ASAP2: variants seen among roughly 807,000 people sequenced by gnomAD.
ASAP2 encodes arf-GAP with SH3 domain, ANK repeat and PH domain-containing protein 2.
Under a neutral mutation model 131.4 loss-of-function variants are expected in ASAP2, and 45 were observed. The ratio of observed to expected loss-of-function variants is 0.34; its 90% CI spans 0.27 to 0.44. The LOEUF (loss-of-function observed/expected upper bound fraction) is 0.44, where lower values mean the gene tolerates loss of function less well. Ranked by LOEUF, ASAP2 falls within the 20% of genes least tolerant of loss-of-function variation. ASAP2 has a pLI of 1.00. For synonymous variants in ASAP2, 510 were observed against 503.0 expected (o/e 1.01, Z -0.19); for missense variants, 1,011 against 1,297.0 (o/e 0.78, Z 3.39).
rs118130511 is a variant in ASAP2 at position 9,292,640 on chromosome 2, G to A, written c.200-4660G>A. The stretch of plus-strand genomic sequence containing the variant: ...TCTGTGATCTGCTCCTTCTCTACTC[G>A]ACAAGTCTTACCTGTCCTTGGAGCC... On this transcript the variant is annotated intron_variant, in intron 2 of 27. Transcript: ENST00000281419. Among the ~76,000 whole-genome samples the A allele has an allele frequency of 7.4e-3, 1,120 of 152,282 alleles. 33 individuals carry two copies. In the East Asian group the frequency reaches 0.081, roughly 11 times the overall value.
rs994413421 is a variant in ASAP2 at position 9,232,259 on chromosome 2, T to C, written c.126+25029T>C. 2.6e-4 allele frequency among the ~76,000 whole-genome samples: 39 copies of C among 151,364 alleles called. No individual in the cohort carries two copies. Among genetic ancestry groups the C allele is most frequent in the African/African-American group, 9.2e-4 (38 of 41,378 alleles). ...TCTGTGTCAACACGCCTCACTGCCCTGCGCCCGATCCTTTTACACAGGTGG... is the reference window on the plus strand; with the variant it reads ...TCTGTGTCAACACGCCTCACTGCCCCGCGCCCGATCCTTTTACACAGGTGG... On this transcript the variant is annotated intron_variant, in intron 1 of 27. Coordinates refer to ENST00000281419, the MANE Select transcript of ASAP2 (RefSeq NM_003887.3). This position sits in a 1 kb window ranked among gnomAD's most constrained non-coding sequence, Gnocchi z 4.1.
chr2:9,262,169 A>G (rs1665617453), intron 1 of ASAP2, among the ~76,000 whole-genome samples: 1 of 152,190 alleles, frequency 6.6e-6, no homozygotes, highest in African/African-American at 2.4e-5. Flanking sequence ...AAAAATTTAA[A>G]TGTTGATGGA....
At chr2:9,334,010 TTCTC>T (rs1275386211) in intron 7 of ASAP2, among the ~76,000 whole-genome samples, 3 of 149,140 alleles carry the variant, frequency 2.0e-5, no homozygotes, top group African/African-American at 5.0e-5. Context: ...TCTGCATTAT[TTCTC>T]TCTCTCTCTG....
At chr2:9,363,837 G>A (rs557909795) in intron 15 of ASAP2, among the ~76,000 whole-genome samples, 1 of 152,308 alleles carries the variant, frequency 6.6e-6, no homozygotes, top group South Asian at 2.1e-4. Flanking sequence ...GCTTCCCAAA[G>A]TGCTGGGATT....
chr2:9,302,872 C>T (rs1668588581), intron 3 of ASAP2, among the ~76,000 whole-genome samples: 1 of 152,138 alleles, frequency 6.6e-6, no homozygotes, highest in African/African-American at 2.4e-5. Context: ...TTGGGACAAG[C>T]AGTAGTTTGT....
chr2:9,323,233 C>T lies in ASAP2; in HGVS notation c.583C>T (p.Gln195Ter). 1 of 1,614,214 alleles carries T rather than the reference C, an allele frequency of 6.2e-7. No homozygotes were observed. The highest frequency in any genetic ancestry group is 8.5e-7 in the Non-Finnish European group (1 of 1,180,030). The change falls in exon 6 of 28, where the codon CAG becomes TAG. Residue 195 changes from glutamine to a stop codon, truncating the protein, a stop_gained. Transcript: ENST00000281419. LOFTEE classifies it high-confidence loss of function. ...GATGGAAAAGGAGAGGCGCTTCTTC[C>T]AGCTACAGATGTGCGAGGTAAGGCG... is the stretch of plus-strand genomic sequence containing the variant. ...EEMEKERRFF[Q>*]LQMCEYLLKV... is the part of the protein sequence containing the mutation.
rs1674256513 is a variant in ASAP2 at position 9,374,736 on chromosome 2, C to T, written c.1557-19C>T. ...TAGAAGCCCTTCATGATTTGCAAGGCAATTACGTTTGGTTTCAGGAATGCA... is the reference window on the plus strand; with the variant it reads ...TAGAAGCCCTTCATGATTTGCAAGGTAATTACGTTTGGTTTCAGGAATGCA... On this transcript the variant is annotated intron_variant, in intron 16 of 27. Transcript: ENST00000281419. The T allele has an allele frequency of 1.3e-6, 2 of 1,573,902 alleles. No individual in the cohort carries two copies. Among genetic ancestry groups the T allele is most frequent in the South Asian group, 1.2e-5 (1 of 85,484 alleles).
chr2:9,377,176 C>T (rs1674470256), intron 18 of ASAP2, among the ~76,000 whole-genome samples, 183 bp downstream of exon 18: 1 of 152,158 alleles, frequency 6.6e-6, no homozygotes, highest in Non-Finnish European at 1.5e-5. Flanking sequence ...TTTAAAAAAG[C>T]ACTAGAAACT....
intron 1 of ASAP2, among the ~76,000 whole-genome samples, chr2:9,224,182 G>A (rs770428671): frequency 6.6e-5 from 10 of 152,144 alleles, no homozygotes; most frequent in Non-Finnish European, 1.3e-4. Context: ...CGAGGGAAGG[G>A]AGGATTGCCT....
intron 19 of ASAP2, among the ~76,000 whole-genome samples, chr2:9,380,181 A>AGTTTTT (rs199921712): frequency 0.019 from 2,909 of 151,922 alleles, 75 homozygotes; most frequent in African/African-American, 0.064. Context: ...CTGCTTCAAC[A>AGTTTTT]GTTTTTGTTT....
chr2:9,228,060 G>C (rs1662903630), intron 1 of ASAP2, among the ~76,000 whole-genome samples: 1 of 152,138 alleles, frequency 6.6e-6, no homozygotes, highest in South Asian at 2.1e-4. Context: ...CATTATGAGT[G>C]TATCTATAAT....
At chr2:9,241,906 C>T (rs538033855) in intron 1 of ASAP2, among the ~76,000 whole-genome samples, 26 of 152,186 alleles carry the variant, frequency 1.7e-4, no homozygotes, top group Middle Eastern at 3.4e-3. Context: ...ATGTTAGGGT[C>T]CCAATAAGTT....
At chr2:9,384,539 G>A (rs1675111555) in intron 20 of ASAP2, among the ~76,000 whole-genome samples, 2 of 152,204 alleles carry the variant, frequency 1.3e-5, no homozygotes, top group South Asian at 2.1e-4. Flanking sequence ...CTGACCAACC[G>A]GCTTCAAGTT....
At chr2:9,214,617 AGCTGGAATACTTGG>A (rs1558239508) in intron 1 of ASAP2, among the ~76,000 whole-genome samples, 2 of 152,088 alleles carry the variant, frequency 1.3e-5, no homozygotes, top group Non-Finnish European at 2.9e-5. Context: ...TACCAACCCG[AGCTGGAATACTTGG>A]GCTGTATTTT....
intron 1 of ASAP2, among the ~76,000 whole-genome samples, chr2:9,223,095 G>A (rs1005412054): frequency 6.6e-5 from 10 of 152,164 alleles, no homozygotes; most frequent in Admixed American, 6.5e-4. Flanking sequence ...ACTTGCAAGC[G>A]ACTGCTTTGG....
chr2:9,383,998 A>C (rs1157426687), intron 20 of ASAP2, among the ~76,000 whole-genome samples: 16 of 151,846 alleles, frequency 1.1e-4, no homozygotes, highest in Non-Finnish European at 1.9e-4. Flanking sequence ...GAACATCACA[A>C]ACCGGGGCCT....
chr2:9,247,818 C>T (rs575515892), intron 1 of ASAP2, among the ~76,000 whole-genome samples: 5 of 152,318 alleles, frequency 3.3e-5, no homozygotes, highest in East Asian at 1.9e-4. Flanking sequence ...TCATGTGCCT[C>T]GGGTTTAAAA....
intron 15 of ASAP2, among the ~76,000 whole-genome samples, chr2:9,367,462 G>A (rs1021407716): frequency 1.3e-5 from 2 of 152,086 alleles, no homozygotes; most frequent in African/African-American, 2.4e-5. Context: ...TTCATTAAAC[G>A]TTTAAGAATC....
At chr2:9,318,171 C>G (rs1669926578) in intron 3 of ASAP2, among the ~76,000 whole-genome samples, 1 of 152,184 alleles carries the variant, frequency 6.6e-6, no homozygotes, top group Non-Finnish European at 1.5e-5. Context: ...GATTGAGAGT[C>G]AGAAGTGGGG....
Sources: gnomAD v4.1 joint callset for allele counts (sites outside exome capture counted in the v4.1 genomes callset) on GRCh38, gnomAD v4.1.1 for gene constraint, Gnocchi (gnomAD v3.1) non-coding constraint, MANE v1.5 for transcripts, NCBI Gene and HGNC (gene_info 2026-07-23, HGNC 2026-07-21) for gene names.